Variants in GDAP1 observed in about 807,000 individuals in gnomAD.
The protein encoded by GDAP1 is ganglioside-induced differentiation-associated protein 1.
A neutral mutation model predicts 40.1 loss-of-function variants in GDAP1; 34 were observed. The ratio of observed to expected loss-of-function variants is 0.85; its 90% CI spans 0.64 to 1.13. The LOEUF is 1.13. Among genes scored for constraint, GDAP1 ranks in the 50% most tolerant of loss-of-function variants. The pLI is 0.00. For missense variants in GDAP1, 374 were observed against 433.7 expected (o/e 0.86, Z 1.22); for synonymous variants, 170 against 157.4 (o/e 1.08, Z -0.60).
intron 2 of GDAP1, among the ~76,000 whole-genome samples, chr8:74,355,144 T>C (rs533549693): frequency 6.6e-6 from 1 of 152,308 alleles, no homozygotes; most frequent in East Asian, 1.9e-4. Context: ...CCTGAAATAG[T>C]GAATATCTGT....
chr8:74,432,168 G>A (rs1806035833), intron 2 of GDAP1, among the ~76,000 whole-genome samples: 1 of 152,108 alleles, frequency 6.6e-6, no homozygotes, highest in Non-Finnish European at 1.5e-5. Context: ...TTTTCCTTTG[G>A]AGGGTGCATA....
At chr8:74,377,713 C>T (rs1212029329) in intron 2 of GDAP1, among the ~76,000 whole-genome samples, 1 of 152,140 alleles carries the variant, frequency 6.6e-6, no homozygotes, top group African/African-American at 2.4e-5. Flanking sequence ...AACAGTGTGG[C>T]AGTTTCTTGT....
chr8:74,436,012 A>G (rs577134730), intron 2 of GDAP1, among the ~76,000 whole-genome samples: 3 of 152,344 alleles, frequency 2.0e-5, no homozygotes, highest in Admixed American at 6.5e-5. Flanking sequence ...TGTTGTGCTG[A>G]TTCCAGGGTG....
chr8:74,391,588 T>A (rs914788561), intron 2 of GDAP1, among the ~76,000 whole-genome samples: 2 of 151,746 alleles, frequency 1.3e-5, no homozygotes, highest in African/African-American at 2.4e-5. Context: ...TCTGCGTTGA[T>A]CTCACTGGGA....
chr8:74,350,808 C>T (rs750280003), intron 1 of GDAP1, among the ~76,000 whole-genome samples: 1 of 152,176 alleles, frequency 6.6e-6, no homozygotes, highest in Non-Finnish European at 1.5e-5. Context: ...TCGCGAAATG[C>T]GACAAAAAAG....
At chr8:74,417,619 T>A (rs992189032) in intron 2 of GDAP1, among the ~76,000 whole-genome samples, 5 of 149,306 alleles carry the variant, frequency 3.3e-5, no homozygotes, top group Admixed American at 1.3e-4. Flanking sequence ...TAGCTGGGTG[T>A]GGTGGCACAC....
chr8:74,381,759 T>C (rs1022358817), intron 2 of GDAP1, among the ~76,000 whole-genome samples: 1 of 25,258 alleles, frequency 4.0e-5, no homozygotes, highest in Non-Finnish European at 1.1e-4. Flanking sequence ...CCATCTCAAA[T>C]TAAAAAAAAA....
chr8:74,352,980 T>C (rs1461178887), intron 2 of GDAP1, among the ~76,000 whole-genome samples: 7 of 152,144 alleles, frequency 4.6e-5, no homozygotes, highest in Admixed American at 3.3e-4. Flanking sequence ...CCCTCCTCCA[T>C]CCCCTCCTTA....
downstream of GDAP1, chr8:74,366,936 C>T (rs1247126751): frequency 2.8e-6 from 1 of 362,030 alleles, no homozygotes; most frequent in African/African-American, 2.1e-5. Flanking sequence ...AAAATCAAAG[C>T]ATCATGTGGT....
intron 2 of GDAP1, among the ~76,000 whole-genome samples, chr8:74,468,540 T>C (rs937100564): frequency 3.3e-4 from 50 of 150,700 alleles, no homozygotes; most frequent in African/African-American, 1.1e-3. Context: ...TGTGTATATA[T>C]ACACACACAC....
chr8:74,353,682 A>G (rs1219818927), intron 2 of GDAP1, among the ~76,000 whole-genome samples: 1 of 152,220 alleles, frequency 6.6e-6, no homozygotes, highest in Non-Finnish European at 1.5e-5. Context: ...GGAGCTTGTT[A>G]GAACTGCAGA....
At position 74,399,855 on chromosome 8, in the gene GDAP1, C is replaced by T. The variant is rs374730401; in HGVS notation, c.165+48534C>T. On this transcript the variant is annotated intron_variant, in intron 2 of 2. Coordinates refer to the GDAP1 transcript ENST00000523640. Reference sequence around the variant, plus strand: ...GTTGTTCAGTTTCCATGTAGTTGAGCGGTTTTGAGTGAGTTTCTTAATCCT... The same window carrying T: ...GTTGTTCAGTTTCCATGTAGTTGAGTGGTTTTGAGTGAGTTTCTTAATCCT... 6.4e-5 allele frequency among the ~76,000 whole-genome samples: 9 copies of T among 140,746 alleles called. No homozygotes were observed. The East Asian group carries it at 7.8e-4, about 12-fold the overall frequency. 92.3% of individuals were successfully genotyped at this position (140,746 alleles called of 152,430 possible). A position where few individuals can be genotyped will look rare whatever the true frequency, so the allele number is the denominator to read the frequency against.
chr8:74,422,258 TTTCTTTTTC>T (rs1230463871), intron 2 of GDAP1, among the ~76,000 whole-genome samples: 45 of 150,674 alleles, frequency 3.0e-4, no homozygotes, highest in African/African-American at 1.0e-3. Flanking sequence ...CCTTTCTTTC[TTTCTTTTTC>T]TTTTCTTTTC....
intron 2 of GDAP1, among the ~76,000 whole-genome samples, chr8:74,444,293 GA>G (rs1200932937): frequency 6.6e-6 from 1 of 151,114 alleles, no homozygotes; most frequent in Non-Finnish European, 1.5e-5. Flanking sequence ...TTTTTACCCA[GA>G]AGAGAAGATA....
Position 74,463,209 on chromosome 8 carries a change from T to C in GDAP1, c.166-25469T>C, listed in dbSNP as rs1418577401. Among the ~76,000 whole-genome samples the C allele has an allele frequency of 2.8e-5, 4 of 143,862 alleles. No homozygotes were observed. The Admixed American group carries it at 2.9e-4, about 10-fold the overall frequency. The allele number at this position is 143,862 out of a possible 152,430, so 94.4% of individuals were successfully genotyped here. A position where few individuals can be genotyped will look rare whatever the true frequency, so the allele number is the denominator to read the frequency against. On this transcript the variant is annotated intron_variant, in intron 2 of 2. Coordinates refer to the GDAP1 transcript ENST00000523640. The stretch of plus-strand genomic sequence containing the variant: ...GCTTATGCCTATAATCCCAGCACTT[T>C]GGGAGGCCATGGTAGAAGGATTGCT...
intron 2 of GDAP1, among the ~76,000 whole-genome samples, chr8:74,389,223 G>A (rs943410527): frequency 5.3e-5 from 8 of 152,064 alleles, no homozygotes; most frequent in African/African-American, 1.9e-4. Context: ...CTGTCATGAT[G>A]CCAGCTGGTT....
At chr8:74,485,399 C>T (rs1308506367) in intron 2 of GDAP1, among the ~76,000 whole-genome samples, 1 of 152,238 alleles carries the variant, frequency 6.6e-6, no homozygotes, top group East Asian at 1.9e-4. Context: ...TTGATTATGT[C>T]TGATATCTAA....
chr8:74,384,312 A>G (rs1809995326), intron 2 of GDAP1, among the ~76,000 whole-genome samples: 1 of 152,102 alleles, frequency 6.6e-6, no homozygotes, highest in South Asian at 2.1e-4. Flanking sequence ...CTTCTCAGGC[A>G]ATCTCTTTTT....
In GDAP1 at chr8:74,351,545, C is replaced by T. The variant is rs1303895203; in HGVS notation, c.310+79C>T. On this transcript the variant is annotated intron_variant, in intron 2 of 5. Coordinates refer to ENST00000220822, the MANE Select transcript of GDAP1 (RefSeq NM_018972.4). ...GTTCCCTTTCTCTTTTTCTCTCTCT[C>T]CTCTCTCTCTTTCTCTTGTGTCATG... The T allele has an allele frequency of 1.9e-5, 20 of 1,039,494 alleles. No individual in the cohort carries two copies. In the Admixed American group the frequency reaches 3.4e-4, roughly 18 times the overall value. The allele number at this position is 1,039,494 out of a possible 1,614,324, so 64.4% of individuals were successfully genotyped here.
Sources: gnomAD v4.1 joint callset for allele counts (sites outside exome capture counted in the v4.1 genomes callset) on GRCh38, gnomAD v4.1.1 for gene constraint, MANE v1.5 for transcripts, NCBI Gene and HGNC (gene_info 2026-07-23, HGNC 2026-07-21) for gene names.